ZNF638: variants seen among roughly 807,000 people sequenced by gnomAD.
The protein encoded by ZNF638 is CTCL tumor antigen se33-1.
In ZNF638, 46 loss-of-function variants were observed where a neutral mutation model predicts 195.6. That is an observed-to-expected ratio of 0.24 (90% confidence interval 0.19 to 0.30). ZNF638 has a LOEUF of 0.30. Among genes scored for constraint, ZNF638 ranks in the 10% least tolerant of loss-of-function variants. The pLI, the probability that ZNF638 is intolerant of heterozygous loss-of-function variation, is 1.00. For missense variants in ZNF638, 2,440 were observed against 2,325.3 expected, an observed-to-expected ratio of 1.05 and a Z score of -1.01; for synonymous variants, 845 against 772.0, an observed-to-expected ratio of 1.09 and a Z score of -1.57.
intron 3 of ZNF638, among the ~76,000 whole-genome samples, chr2:71,360,077 A>G (rs563874173): frequency 8.5e-5 from 13 of 152,238 alleles, no homozygotes; most frequent in Non-Finnish European, 1.8e-4. Flanking sequence ...TTTCCCTACC[A>G]TCATGCAGCA....
At chr2:71,383,016 G>A (rs1289424854) in intron 10 of ZNF638, among the ~76,000 whole-genome samples, 2 of 152,144 alleles carry the variant, frequency 1.3e-5, no homozygotes, top group African/African-American at 2.4e-5. Flanking sequence ...CTTTCAAACC[G>A]TTCTTTGAGT....
chr2:71,336,099 C>T (rs553662889), intron 1 of ZNF638, among the ~76,000 whole-genome samples: 5 of 152,242 alleles, frequency 3.3e-5, no homozygotes, highest in African/African-American at 7.2e-5. Flanking sequence ...GGCCGGGGCA[C>T]GGTGGCTCAC....
chr2:71,427,085 T>C lies in ZNF638; in HGVS notation c.5216T>C (p.Ile1739Thr). Residue 1739 changes from isoleucine (I) to threonine (T), a missense_variant, in exon 24 of 28, where the codon ATA becomes ACA. Around this residue, in one of 5 missense-constraint regions of ZNF638, gnomAD observed 1,883 missense variants for 1,739.1 expected, o/e 1.08. Coordinates refer to ENST00000264447, the MANE Select transcript of ZNF638 (RefSeq NM_014497.5). The stretch of plus-strand genomic sequence containing the variant: ...TCTACTTTAGTTACTGTAGATGAAA[T>C]ACAAGATGACAGCAGTGATTTGCAT... ...DPSTLVTVDE[I>T]QDDSSDLHLV... 2 of 1,614,168 alleles carry C rather than the reference T, an allele frequency of 1.2e-6. No homozygotes were observed. Among genetic ancestry groups the C allele is most frequent in the Non-Finnish European group, 1.7e-6 (2 of 1,180,024 alleles).
intron 10 of ZNF638, chr2:71,393,538 A>C: frequency 1.4e-6 from 1 of 718,008 alleles, no homozygotes; most frequent in Non-Finnish European, 2.6e-6. Context: ...AGCCCCGGAC[A>C]TTACCTGGGG....
intron 1 of ZNF638, among the ~76,000 whole-genome samples, chr2:71,342,331 C>T (rs1163086346): frequency 6.6e-6 from 1 of 151,884 alleles, no homozygotes; most frequent in Non-Finnish European, 1.5e-5. Context: ...TCAGCTTCCA[C>T]AACCAGTATT....
At chr2:71,374,330 C>T (rs1018120199) in intron 8 of ZNF638, among the ~76,000 whole-genome samples, 4 of 152,164 alleles carry the variant, frequency 2.6e-5, no homozygotes, top group Non-Finnish European at 5.9e-5. Context: ...ATTCTGTATA[C>T]ATAGATGTGT....
At chr2:71,334,763 G>C (rs2078634155) in intron 1 of ZNF638, among the ~76,000 whole-genome samples, 1 of 151,392 alleles carries the variant, frequency 6.6e-6, no homozygotes, top group African/African-American at 2.4e-5. Context: ...ACTAAAAATA[G>C]AAAAAAAATT....
intron 20 of ZNF638, chr2:71,408,618 C>A: frequency 3.3e-6 from 1 of 302,174 alleles, no homozygotes; most frequent in South Asian, 3.2e-5. Context: ...GTTTCAGTTA[C>A]ATTTATTATA....
chr2:71,431,235 C>T, intron 25 of ZNF638, 92 bp from the exon 26 acceptor site: 1 of 1,140,150 alleles, frequency 8.8e-7, no homozygotes, highest in East Asian at 2.5e-5. Flanking sequence ...GAGGTTTTCC[C>T]TGAGAAAGAA....
At chr2:71,392,002 A>G (rs1173412441) in intron 10 of ZNF638, among the ~76,000 whole-genome samples, 1 of 152,160 alleles carries the variant, frequency 6.6e-6, no homozygotes, top group East Asian at 1.9e-4. Flanking sequence ...TTGCTCACAT[A>G]CTGGGACTAA....
chr2:71,346,748 C>T (rs529736029), intron 1 of ZNF638, among the ~76,000 whole-genome samples: 12 of 152,048 alleles, frequency 7.9e-5, no homozygotes, highest in East Asian at 5.8e-4. Context: ...TATTGAATGC[C>T]GGGCGACGTG....
Position 71,418,601 on chromosome 2 carries a change from G to A in ZNF638, c.3262-1G>A. 1.3e-6 allele frequency: 2 copies of A among 1,551,196 alleles called. No homozygotes were observed. Among genetic ancestry groups the A allele is most frequent in the South Asian group, 1.3e-5 (1 of 78,818 alleles). On this transcript the variant is annotated splice_acceptor_variant, in intron 20 of 27. Coordinates refer to ENST00000264447, the MANE Select transcript of ZNF638 (RefSeq NM_014497.5). LOFTEE classifies it high-confidence loss of function. ...CTAATAAAATGCTGATTATATTACA[G>A]GTGCAAATTGAGCATGACCCAGAAT...
At chr2:71,431,968 C>A (rs977720240) in intron 26 of ZNF638, among the ~76,000 whole-genome samples, 1 of 152,138 alleles carries the variant, frequency 6.6e-6, no homozygotes, top group African/African-American at 2.4e-5. Flanking sequence ...CTCTTTTATT[C>A]CTGGTGCTTT....
intron 24 of ZNF638, 25 bp from the exon 25 acceptor site, chr2:71,428,522 A>G (rs369526517): frequency 7.6e-6 from 12 of 1,582,074 alleles, no homozygotes; most frequent in Non-Finnish European, 8.7e-6. Context: ...TACTAGAGCA[A>G]TAAATTAGGA....
intron 21 of ZNF638, among the ~76,000 whole-genome samples, chr2:71,418,939 A>G (rs201972438): frequency 4.1e-4 from 63 of 152,360 alleles, no homozygotes; most frequent in Non-Finnish European, 7.4e-4. Context: ...GAATAACTCA[A>G]CATCACGAAC....
chr2:71,386,140 C>T (rs1348206242), intron 10 of ZNF638, among the ~76,000 whole-genome samples: 1 of 151,856 alleles, frequency 6.6e-6, no homozygotes, highest in African/African-American at 2.4e-5. Context: ...CAGTCTGTAT[C>T]AGAAATTAAG....
chr2:71,416,932 TTGTC>T (rs753660673), intron 20 of ZNF638, among the ~76,000 whole-genome samples: 5 of 151,666 alleles, frequency 3.3e-5, no homozygotes, highest in East Asian at 4.0e-4. Flanking sequence ...GTCTTTTTGT[TTGTC>T]TGTGCCCTGC....
intron 2 of ZNF638, 77 bp from the exon 3 acceptor site, chr2:71,355,642 T>G: frequency 1.0e-6 from 1 of 993,484 alleles, no homozygotes; most frequent in South Asian, 1.6e-5. Context: ...AAATATTATT[T>G]GTCTTTTTTA....
chr2:71,388,329 C>A (rs183076714), intron 10 of ZNF638: 1 of 483,908 alleles, frequency 2.1e-6, no homozygotes, highest in Admixed American at 3.0e-5. Context: ...TTTGATCATC[C>A]GACCTTTGAT....
Sources: gnomAD v4.1 joint callset for allele counts (sites outside exome capture counted in the v4.1 genomes callset) on GRCh38, gnomAD v4.1.1 for gene constraint, gnomAD v4.1.1 regional missense constraint, MANE v1.5 for transcripts, NCBI Gene and HGNC (gene_info 2026-07-23, HGNC 2026-07-21) for gene names.